Variants in GPC6 observed in about 807,000 individuals in gnomAD.
GPC6 encodes the protein glypican-6.
GPC6 carries 14 observed loss-of-function variants against 55.2 expected under a neutral mutation model. That is an observed-to-expected ratio of 0.25 (90% confidence interval 0.17 to 0.40). The LOEUF (loss-of-function observed/expected upper bound fraction) is 0.40, where lower values mean the gene tolerates loss of function less well. Among genes scored for constraint, GPC6 ranks in the 10% least tolerant of loss-of-function variants. The pLI is 1.00. For missense variants in GPC6, 641 were observed against 708.5 expected (o/e 0.90, Z 1.08); for synonymous variants, 278 against 259.6 (o/e 1.07, Z -0.68).
chr13:93,641,182 A>T (rs1010153988), intron 2 of GPC6, among the ~76,000 whole-genome samples: 1 of 152,000 alleles, frequency 6.6e-6, no homozygotes, highest in Non-Finnish European at 1.5e-5. Context: ...TCAGAAAAAA[A>T]AATAGTATCC....
At chr13:94,170,578 A>G (rs555598340) in intron 4 of GPC6, among the ~76,000 whole-genome samples, 1 of 152,312 alleles carries the variant, frequency 6.6e-6, no homozygotes, top group South Asian at 2.1e-4. Context: ...AAGGGAATGT[A>G]GTTCATTCCT....
chr13:94,312,947 G>A (rs1876332198), intron 6 of GPC6, among the ~76,000 whole-genome samples: 1 of 152,214 alleles, frequency 6.6e-6, no homozygotes, highest in East Asian at 1.9e-4. Flanking sequence ...ACTTCAGGTT[G>A]TGAACGACCC....
intron 2 of GPC6, among the ~76,000 whole-genome samples, chr13:93,673,499 G>GTATA (rs960755601): frequency 4.6e-5 from 7 of 152,068 alleles, no homozygotes; most frequent in African/African-American, 1.7e-4. Flanking sequence ...GACGACAAGA[G>GTATA]TATATATATA....
intron 1 of GPC6, among the ~76,000 whole-genome samples, chr13:93,466,829 A>C (rs1878922128): frequency 6.6e-6 from 1 of 152,126 alleles, no homozygotes; most frequent in South Asian, 2.1e-4. Context: ...ATAACAGTAA[A>C]TTTGCTGTCT....
intron 2 of GPC6, among the ~76,000 whole-genome samples, chr13:93,600,728 G>A (rs1467167161): frequency 3.3e-5 from 5 of 151,756 alleles, no homozygotes; most frequent in African/African-American, 1.2e-4. Flanking sequence ...GAGGCGGGTG[G>A]ATCACGAGGT....
chr13:93,320,852 A>G, intron 1 of GPC6, among the ~76,000 whole-genome samples: 1 of 152,190 alleles, frequency 6.6e-6, no homozygotes, highest in East Asian at 1.9e-4. Flanking sequence ...GGCGGAGTAC[A>G]GAGTGATTTT....
intron 2 of GPC6, among the ~76,000 whole-genome samples, chr13:93,756,659 G>A (rs117219811): frequency 3.9e-5 from 6 of 152,086 alleles, no homozygotes; most frequent in Admixed American, 1.3e-4. Flanking sequence ...TCTTTGTAGC[G>A]CTTTGTGTAC....
rs142073163 is a variant in GPC6 at position 93,243,295 on chromosome 13, G to C, written c.160+15679G>C. On this transcript the variant is annotated intron_variant, in intron 1 of 8. Transcript: ENST00000377047. ...ATTCTTCCAATGAACTTTCCAATGG[G>C]CTCCAACAATCTCCCCTTAACATTC... Among the ~76,000 whole-genome samples, 3 of 152,240 alleles carry C rather than the reference G, an allele frequency of 2.0e-5. No homozygotes were observed. In the East Asian group the frequency reaches 5.8e-4, roughly 29 times the overall value.
chr13:94,171,692 C>G (rs1888573301), intron 4 of GPC6, among the ~76,000 whole-genome samples: 1 of 152,162 alleles, frequency 6.6e-6, no homozygotes, highest in Non-Finnish European at 1.5e-5. Context: ...TTAGTTGTTA[C>G]CAGCTTGAGT....
At chr13:94,303,343 A>G (rs950374005) in intron 5 of GPC6, among the ~76,000 whole-genome samples, 1 of 152,132 alleles carries the variant, frequency 6.6e-6, no homozygotes, top group Non-Finnish European at 1.5e-5. Flanking sequence ...AGCTCTCTTT[A>G]CTACCTGATC....
intron 2 of GPC6, among the ~76,000 whole-genome samples, chr13:93,565,724 C>T (rs1335695990): frequency 6.6e-6 from 1 of 152,008 alleles, no homozygotes; most frequent in East Asian, 1.9e-4. Context: ...GAGTTCAAGA[C>T]AAGCCTGACC....
At position 94,379,059 on chromosome 13, in the gene GPC6, C is replaced by A. The variant is rs374791237; in HGVS notation, c.1153-3355C>A. On this transcript the variant is annotated intron_variant, in intron 6 of 8. Transcript: ENST00000377047. The stretch of plus-strand genomic sequence containing the variant: ...GCACTTAAGTTTCCAGGAAAAAAAA[C>A]CAAAAAAACAAAAAAACAAAAACCT... Among the ~76,000 whole-genome samples the A allele has an allele frequency of 6.2e-4, 94 of 151,520 alleles. 1 individual carries two copies. The East Asian group carries it at 6.6e-3, about 11-fold the overall frequency.
At chr13:93,909,244 C>G (rs1003008596) in intron 3 of GPC6, among the ~76,000 whole-genome samples, 1 of 152,084 alleles carries the variant, frequency 6.6e-6, no homozygotes, top group Admixed American at 6.6e-5. Context: ...TTGAATCATA[C>G]AAAAACACAC....
intron 2 of GPC6, among the ~76,000 whole-genome samples, chr13:93,550,235 T>C (rs1875070363): frequency 6.6e-6 from 1 of 152,170 alleles, no homozygotes; most frequent in South Asian, 2.1e-4. Flanking sequence ...AGAATGTCTG[T>C]GGAATATGGA....
chr13:94,188,036 G>A (rs963343284), intron 4 of GPC6: 5 of 152,164 alleles, frequency 3.3e-5, no homozygotes, highest in Non-Finnish European at 7.3e-5. Context: ...TTAACAGGGT[G>A]AGAAATTAAT....
At chr13:94,204,559 T>C (rs1889847587) in intron 4 of GPC6, among the ~76,000 whole-genome samples, 1 of 152,162 alleles carries the variant, frequency 6.6e-6, no homozygotes, top group African/African-American at 2.4e-5. Context: ...AGTTCAGGCT[T>C]ACCTTCTTTT....
chr13:93,521,284 A>G (rs1881410249), intron 1 of GPC6, among the ~76,000 whole-genome samples: 1 of 151,846 alleles, frequency 6.6e-6, no homozygotes, highest in African/African-American at 2.4e-5. Context: ...CTCCAGGGGA[A>G]GATTTATTTT....
intron 4 of GPC6, among the ~76,000 whole-genome samples, chr13:94,152,422 T>C (rs1455877096): frequency 1.3e-5 from 2 of 152,158 alleles, no homozygotes; most frequent in Admixed American, 1.3e-4. Flanking sequence ...GATTAAAAAG[T>C]CACTCATTTA....
chr13:94,230,252 T>G (rs1004071430), intron 4 of GPC6, among the ~76,000 whole-genome samples: 1 of 152,160 alleles, frequency 6.6e-6, no homozygotes, highest in African/African-American at 2.4e-5. Context: ...TCTTATTTTA[T>G]GTGTGAGAAA....
Sources: allele counts gnomAD v4.1 joint callset (sites outside exome capture counted in the v4.1 genomes callset), GRCh38; gene constraint gnomAD v4.1.1; transcripts MANE v1.5; gene names NCBI Gene and HGNC (gene_info 2026-07-23, HGNC 2026-07-21).